PCCA: variants seen among roughly 807,000 people sequenced by gnomAD.
The protein encoded by PCCA is propionyl-CoA carboxylase subunit alpha.
PCCA carries 74 observed loss-of-function variants against 101.3 expected under a neutral mutation model. That is an observed-to-expected ratio of 0.73 (90% CI 0.61 to 0.89). The LOEUF is 0.89. PCCA is among the 40% of genes least tolerant of loss of function. PCCA has a pLI of 0.00. For missense variants in PCCA, 891 were observed against 907.0 expected, an observed-to-expected ratio of 0.98 and a Z score of 0.23; for synonymous variants, 294 against 313.6, an observed-to-expected ratio of 0.94 and a Z score of 0.66.
chr13:100,118,156 A>G (rs1460764043), intron 4 of PCCA, among the ~76,000 whole-genome samples: 2 of 151,854 alleles, frequency 1.3e-5, no homozygotes, highest in East Asian at 3.9e-4. Context: ...TAAGTTACAG[A>G]CATTGTGGCA....
intron 21 of PCCA, among the ~76,000 whole-genome samples, chr13:100,504,284 G>T (rs1426752764): frequency 6.6e-6 from 1 of 152,188 alleles, no homozygotes; most frequent in East Asian, 1.9e-4. Context: ...ATTATAGTCA[G>T]ATCCACATAG....
intron 21 of PCCA, among the ~76,000 whole-genome samples, chr13:100,510,945 C>T (rs900514680): frequency 7.9e-5 from 12 of 152,186 alleles, no homozygotes; most frequent in African/African-American, 2.9e-4. Context: ...AAAGGAAGGA[C>T]GGCCGTAGGC....
At chr13:100,520,298 AC>A (rs2087135020) in intron 22 of PCCA, among the ~76,000 whole-genome samples, 2 of 152,134 alleles carry the variant, frequency 1.3e-5, no homozygotes, top group African/African-American at 4.8e-5. Context: ...GGTAACGACT[AC>A]CCCTGGATTT....
At chr13:100,296,894 GA>G (rs548570066) in intron 12 of PCCA, among the ~76,000 whole-genome samples, 15 of 151,486 alleles carry the variant, frequency 9.9e-5, no homozygotes, top group Non-Finnish European at 1.5e-4. Context: ...TGTGGTAAAA[GA>G]AAAAAAAATC....
At chr13:100,318,090 T>C (rs2067568727) in intron 16 of PCCA, among the ~76,000 whole-genome samples, 2 of 152,180 alleles carry the variant, frequency 1.3e-5, no homozygotes, top group Non-Finnish European at 2.9e-5. Context: ...TATAGCAGCC[T>C]AAGTGATTCT....
intron 16 of PCCA, among the ~76,000 whole-genome samples, chr13:100,325,411 A>G (rs910683892): frequency 3.8e-5 from 5 of 130,906 alleles, no homozygotes; most frequent in African/African-American, 1.2e-4. Context: ...TGTGAAGACA[A>G]AATGTGAAGG....
At chr13:100,186,753 A>C (rs116492647) in intron 6 of PCCA, among the ~76,000 whole-genome samples, 2,351 of 150,138 alleles carry the variant, frequency 0.016, 65 homozygotes, top group African/African-American at 0.055. Flanking sequence ...AAAAAACAAA[A>C]AAAAAAAGAA....
intron 6 of PCCA, among the ~76,000 whole-genome samples, chr13:100,194,628 C>T (rs1020679286): frequency 3.3e-5 from 5 of 152,086 alleles, no homozygotes; most frequent in African/African-American, 4.8e-5. Flanking sequence ...ACCATATTGG[C>T]CAGGCTGGTC....
At chr13:100,090,569 AC>A (rs1391126995) in intron 1 of PCCA, among the ~76,000 whole-genome samples, 11 of 152,236 alleles carry the variant, frequency 7.2e-5, no homozygotes, top group African/African-American at 2.6e-4. Flanking sequence ...CCTGTCTTCC[AC>A]TTCTGGGGAA....
intron 12 of PCCA, among the ~76,000 whole-genome samples, chr13:100,288,585 A>G (rs1276067715): frequency 6.6e-6 from 1 of 152,228 alleles, no homozygotes; most frequent in Non-Finnish European, 1.5e-5. Flanking sequence ...CCGGCGATAC[A>G]TTGTTTTTAA....
At chr13:100,158,078 C>T (rs2054057658) in intron 6 of PCCA, among the ~76,000 whole-genome samples, 1 of 152,178 alleles carries the variant, frequency 6.6e-6, no homozygotes, top group South Asian at 2.1e-4. Context: ...GGTAGAGTCT[C>T]CCACACACTT....
At chr13:100,291,512 T>C (rs1464405855) in intron 12 of PCCA, among the ~76,000 whole-genome samples, 5 of 152,208 alleles carry the variant, frequency 3.3e-5, no homozygotes, top group Non-Finnish European at 7.3e-5. Flanking sequence ...GTTGTATTTT[T>C]CTCCTGTCCT....
At chr13:100,135,352 C>T (rs1566549749) in intron 4 of PCCA, among the ~76,000 whole-genome samples, 1 of 152,062 alleles carries the variant, frequency 6.6e-6, no homozygotes, top group Non-Finnish European at 1.5e-5. Flanking sequence ...GATCACAACA[C>T]TTACATTCCA....
At chr13:100,445,554 T>C (rs1308547621) in intron 20 of PCCA, among the ~76,000 whole-genome samples, 1 of 152,208 alleles carries the variant, frequency 6.6e-6, no homozygotes, top group Non-Finnish European at 1.5e-5. Context: ...AACTGAAATT[T>C]TGTGGGTTTT....
At chr13:100,368,269 G>A (rs2075341852) in intron 18 of PCCA, among the ~76,000 whole-genome samples, 1 of 151,872 alleles carries the variant, frequency 6.6e-6, no homozygotes, top group South Asian at 2.1e-4. Context: ...TACTGCTTCA[G>A]GCAGATGAAT....
intron 19 of PCCA, among the ~76,000 whole-genome samples, chr13:100,415,080 G>A (rs1350248158): frequency 6.6e-6 from 1 of 151,912 alleles, no homozygotes; most frequent in African/African-American, 2.4e-5. Flanking sequence ...GCGTTGAGTT[G>A]GAGTGTATTA....
chr13:100,185,117 G>T (rs1328119895), intron 6 of PCCA, among the ~76,000 whole-genome samples: 1 of 152,306 alleles, frequency 6.6e-6, no homozygotes, highest in East Asian at 1.9e-4. Context: ...CCCTTTGCAT[G>T]TTCCCTTCAA....
At chr13:100,223,918 TTACAATCCCTGAGC>T (rs1408622439) in intron 7 of PCCA, among the ~76,000 whole-genome samples, 1 of 152,216 alleles carries the variant, frequency 6.6e-6, no homozygotes, top group Non-Finnish European at 1.5e-5. Flanking sequence ...ATTGGTGTAT[TTACAATCCCTGAGC>T]TAGACATAAA....
chr13:100,505,018 A>T (rs2085957916), intron 21 of PCCA, among the ~76,000 whole-genome samples: 1 of 152,206 alleles, frequency 6.6e-6, no homozygotes, highest in African/African-American at 2.4e-5. Flanking sequence ...TGAGACATGG[A>T]AAGTCGACCT....
Sources: allele counts gnomAD v4.1 joint callset (sites outside exome capture counted in the v4.1 genomes callset), GRCh38; gene constraint gnomAD v4.1.1; transcripts MANE v1.5; gene names NCBI Gene and HGNC (gene_info 2026-07-23, HGNC 2026-07-21).